REST: variants seen among roughly 807,000 people sequenced by gnomAD.
REST encodes RE1-silencing transcription factor.
A neutral mutation model predicts 30.4 loss-of-function variants in REST; 1 was observed. The ratio of observed to expected loss-of-function variants is 0.03; its 90% CI spans 0.01 to 0.16. The LOEUF (loss-of-function observed/expected upper bound fraction) is 0.16. Among genes scored for constraint, REST ranks in the 10% least tolerant of loss-of-function variants. REST has a pLI of 1.00. For missense variants in REST, 1,259 were observed against 1,329.5 expected, an observed-to-expected ratio of 0.95 and a Z score of 0.82; for synonymous variants, 504 against 451.1, an observed-to-expected ratio of 1.12 and a Z score of -1.49.
intron 2 of REST, among the ~76,000 whole-genome samples, chr4:56,915,429 T>C (rs895157188): frequency 1.3e-5 from 2 of 151,606 alleles, no homozygotes; most frequent in Non-Finnish European, 2.9e-5. Flanking sequence ...AAAAAATTTT[T>C]AGTAGAGACA....
intron 2 of REST, 95 bp from the exon 3 acceptor site, chr4:56,919,692 T>C (rs1160364556): frequency 1.6e-6 from 1 of 611,238 alleles, no homozygotes; most frequent in East Asian, 3.0e-5. Context: ...CTTGTTAAAA[T>C]GTGCTGAGCG....
At chr4:56,918,202 T>C (rs1266004417) in intron 2 of REST, among the ~76,000 whole-genome samples, 1 of 149,946 alleles carries the variant, frequency 6.7e-6, no homozygotes, top group Non-Finnish European at 1.5e-5. Context: ...TTTTAAAAAT[T>C]GATGACTGGT....
rs1173801045 is a variant in REST at position 56,935,760 on chromosome 4, A to G, written c.*3608A>G. On this transcript the variant is annotated 3_prime_UTR_variant, in exon 4 of 4. Transcript: ENST00000309042. ...GTTTTTGGTCCAAATTATGTAGGAT[A>G]AGTTAAACTTAAATTGCATTCTATT... 3 of 152,220 alleles carry G rather than the reference A, an allele frequency of 2.0e-5. No individual in the cohort carries two copies. Among genetic ancestry groups the G allele is most frequent in the East Asian group, 1.9e-4 (1 of 5,204 alleles). The allele number at this position is 152,220 out of a possible 1,614,324, so 9.4% of individuals were successfully genotyped here. A position where few individuals can be genotyped will look rare whatever the true frequency, so the allele number is the denominator to read the frequency against.
chr4:56,914,303 A>C (rs1003695798), intron 2 of REST, among the ~76,000 whole-genome samples: 3 of 152,206 alleles, frequency 2.0e-5, no homozygotes, highest in Non-Finnish European at 2.9e-5. Context: ...TGGCAGGCTT[A>C]AACAATAAAA....
chr4:56,921,757 G>A (rs1720462537), intron 3 of REST, among the ~76,000 whole-genome samples: 1 of 152,132 alleles, frequency 6.6e-6, no homozygotes, highest in Admixed American at 6.5e-5. Context: ...TCTGAAGCAG[G>A]TTAGAGAAAA....
At position 56,934,677 on chromosome 4, in the gene REST, T is replaced by A. The variant is rs1285489577; in HGVS notation, c.*2525T>A. 2 of 152,212 alleles carry A rather than the reference T, an allele frequency of 1.3e-5. No homozygotes were observed. Among genetic ancestry groups the A allele is most frequent in the Admixed American group, 6.5e-5 (1 of 15,278 alleles). The allele number at this position is 152,212 out of a possible 1,614,324, so 9.4% of individuals were successfully genotyped here. A position where few individuals can be genotyped will look rare whatever the true frequency, so the allele number is the denominator to read the frequency against. Reference sequence around the variant, plus strand: ...CCATTTGAAAAATGTGATGTTTGCATGGAACTGTTTGAAACTTTTTTATTT... The same window carrying A: ...CCATTTGAAAAATGTGATGTTTGCAAGGAACTGTTTGAAACTTTTTTATTT... On this transcript the variant is annotated 3_prime_UTR_variant, in exon 4 of 4. Coordinates refer to ENST00000309042, the MANE Select transcript of REST (RefSeq NM_005612.5).
At chr4:56,928,513 T>A (rs1044585626) in intron 3 of REST, among the ~76,000 whole-genome samples, 1 of 151,870 alleles carries the variant, frequency 6.6e-6, no homozygotes. Context: ...ATTCCTGGGC[T>A]TAAGTGGTCC....
intron 3 of REST, 55 bp downstream of exon 3, chr4:56,919,925 A>C: frequency 1.2e-6 from 1 of 861,516 alleles, no homozygotes; most frequent in Non-Finnish European, 1.8e-6. Context: ...CATTTTAAGG[A>C]AATTCTTTTA....
In REST at chr4:56,910,831, T is replaced by G; in HGVS notation, c.193T>G (p.Tyr65Asp). 6.2e-7 allele frequency: 1 copy of G among 1,614,224 alleles called. No homozygotes were observed. The highest frequency in any genetic ancestry group is 8.5e-7 in the Non-Finnish European group (1 of 1,180,038). ...GGAAGTAAATGGCAGCTGCTGTGAT[T>G]ACCTGGTCGGTGAAGAAAGACAGAT... ...TGEVNGSCCD[Y>D]LVGEERQMAE... The change falls in exon 2 of 4, where the codon TAC (tyrosine) becomes GAC (aspartate). Residue 65 changes from tyrosine to aspartate, a missense_variant. Coordinates refer to ENST00000309042, the MANE Select transcript of REST (RefSeq NM_005612.5).
Position 56,931,263 on chromosome 4 carries a change from A to G in REST, c.2405A>G (p.Glu802Gly), listed in dbSNP as rs1449982377. Residue 802 changes from glutamate (E) to glycine (G), a missense_variant, in exon 4 of 4, where the codon GAG becomes GGG. By Grantham distance (98) the Glu-to-Gly change is moderately conservative. Coordinates refer to ENST00000309042, the MANE Select transcript of REST (RefSeq NM_005612.5). ...CAGAGGGAGCCACCTCCTCCCAGAG[A>G]GCCTCCCCTTCACATGGAGCCAATT... ...PAQREPPPPR[E>G]PPLHMEPISK... 2 of 1,614,224 alleles carry G rather than the reference A, an allele frequency of 1.2e-6. No individual in the cohort carries two copies. The highest frequency in any genetic ancestry group is 1.7e-5 in the Admixed American group (1 of 60,022).
intron 1 of REST, among the ~76,000 whole-genome samples, chr4:56,909,920 T>G (rs1375030095): frequency 6.6e-6 from 1 of 152,244 alleles, no homozygotes; most frequent in African/African-American, 2.4e-5. Flanking sequence ...AACTTCAGCC[T>G]GCAGAAAAAT....
chr4:56,911,277 G>C lies in REST; in HGVS notation c.639G>C (p.Lys213Asn). Residue 213 changes from lysine to asparagine, a missense_variant, in exon 2 of 4, where the codon AAG becomes AAC. Lys to Asn is a moderately conservative substitution (Grantham distance 94). Coordinates refer to ENST00000309042, the MANE Select transcript of REST (RefSeq NM_005612.5). ...SSTAEEGDFS[K>N]GPIRCDRCGY... ...CTGCAGAAGAGGGAGATTTCTCCAA[G>C]GGCCCCATTCGCTGTGACCGCTGCG... 6.2e-7 allele frequency: 1 copy of C among 1,614,146 alleles called. No individual in the cohort carries two copies. Among genetic ancestry groups the C allele is most frequent in the Non-Finnish European group, 8.5e-7 (1 of 1,180,024 alleles).
At position 56,910,672 on chromosome 4, in the gene REST, G is replaced by A; in HGVS notation, c.34G>A (p.Gly12Arg). ...CCAGGTAATGGGGCAGTCTTCTGGA[G>A]GAGGAGGGCTGTTTACCAGCAGTGG... Reference protein sequence around the residue: ...ATQVMGQSSGGGGLFTSSGNI... With the variant: ...ATQVMGQSSGRGGLFTSSGNI... Residue 12 changes from glycine (G) to arginine (R), a missense_variant, in exon 2 of 4, where the codon GGA (glycine) becomes AGA (arginine). By Grantham distance (125) the Gly-to-Arg change is moderately radical. Around this residue, in one of 5 missense-constraint regions of REST, gnomAD observed 249 missense variants for 251.5 expected, o/e 0.99. Coordinates refer to ENST00000309042, the MANE Select transcript of REST (RefSeq NM_005612.5). The A allele has an allele frequency of 6.2e-7, 1 of 1,613,504 alleles. No individual in the cohort carries two copies. Among genetic ancestry groups the A allele is most frequent in the Non-Finnish European group, 8.5e-7 (1 of 1,179,506 alleles).
intron 2 of REST, among the ~76,000 whole-genome samples, chr4:56,913,285 A>T (rs1381645913): frequency 6.6e-6 from 1 of 152,098 alleles, no homozygotes; most frequent in Non-Finnish European, 1.5e-5. Flanking sequence ...TCAACCTCCA[A>T]AGTAACTGGG....
rs377080732 is a variant in REST at position 56,910,852 on chromosome 4, C to A, written c.214C>A (p.Gln72Lys). Residue 72 changes from glutamine to lysine, a missense_variant, in exon 2 of 4, where the codon CAG becomes AAG. Gln to Lys is a moderately conservative substitution (Grantham distance 53). Around this residue, in one of 5 missense-constraint regions of REST, gnomAD observed 249 missense variants for 251.5 expected, o/e 0.99. Coordinates refer to ENST00000309042, the MANE Select transcript of REST (RefSeq NM_005612.5). ...CCDYLVGEER[Q>K]MAELMPVGDN... ...TGATTACCTGGTCGGTGAAGAAAGACAGATGGCAGAACTGATGCCGGTTGG... is the reference window on the plus strand; with the variant it reads ...TGATTACCTGGTCGGTGAAGAAAGAAAGATGGCAGAACTGATGCCGGTTGG... The A allele has an allele frequency of 1.2e-5, 20 of 1,614,022 alleles. No homozygotes were observed. The East Asian group carries it at 2.0e-4, about 16-fold the overall frequency.
intron 3 of REST, among the ~76,000 whole-genome samples, chr4:56,925,327 C>T (rs1421721302): frequency 6.6e-6 from 1 of 152,076 alleles, no homozygotes; most frequent in Non-Finnish European, 1.5e-5. Flanking sequence ...ATCCTCCCAC[C>T]TCAGCCTCTG....
At chr4:56,919,420 C>A (rs528901111) in intron 2 of REST, among the ~76,000 whole-genome samples, 3 of 151,780 alleles carry the variant, frequency 2.0e-5, no homozygotes, top group East Asian at 1.9e-4. Context: ...TCAGACAGTT[C>A]AGGTAGATTT....
intron 2 of REST, among the ~76,000 whole-genome samples, chr4:56,914,754 G>GT (rs774746772): frequency 1.3e-5 from 2 of 151,802 alleles, no homozygotes; most frequent in Non-Finnish European, 2.9e-5. Flanking sequence ...TGGTTTCACC[G>GT]TGTTGGCCAG....
rs1311970463 is a variant in REST, at chr4:56,931,672, T to C, written c.2814T>C (p.His938=). 7 of 1,614,068 alleles carry C rather than the reference T, an allele frequency of 4.3e-6. No homozygotes were observed. The Admixed American group carries it at 5.0e-5, about 12-fold the overall frequency. The change falls in exon 4 of 4, where the codon CAT becomes CAC. Residue 938 remains histidine (H), a synonymous_variant. Transcript: ENST00000309042. The part of the protein sequence containing the change: ...TPEGETLNGK[H]QTDSIVCEMK... ...AGGGTGAAACTTTAAATGGTAAACATCAGACTGACAGTATAGTTTGTGAAA... is the reference window on the plus strand; with the variant it reads ...AGGGTGAAACTTTAAATGGTAAACACCAGACTGACAGTATAGTTTGTGAAA...
Sources: allele counts gnomAD v4.1 joint callset (sites outside exome capture counted in the v4.1 genomes callset), GRCh38; gene constraint gnomAD v4.1.1; regional missense constraint gnomAD v4.1.1; transcripts MANE v1.5; gene names NCBI Gene and HGNC (gene_info 2026-07-23, HGNC 2026-07-21).